The following KLF7 variants were observed in gnomAD, a reference collection of about 807,000 sequenced individuals.
KLF7 encodes the protein Krueppel-like factor 7.
Under a neutral mutation model 27.3 loss-of-function variants are expected in KLF7, and 2 were observed. The observed-to-expected ratio is 0.07, with a 90% CI of 0.03 to 0.23. The LOEUF (loss-of-function observed/expected upper bound fraction) is 0.23, where lower values mean the gene tolerates loss of function less well. Among genes scored for constraint, KLF7 ranks in the 10% least tolerant of loss-of-function variants. The pLI is 1.00. For synonymous variants in KLF7, 165 were observed against 162.4 expected (o/e 1.02, Z -0.12); for missense variants, 221 against 394.1 (o/e 0.56, Z 3.72).
chr2:207,143,389 T>C (rs1188832064), intron 1 of KLF7, among the ~76,000 whole-genome samples: 1 of 113,824 alleles, frequency 8.8e-6, no homozygotes, highest in African/African-American at 3.6e-5. Context: ...ACAAAAGAAA[T>C]GACATGAAAA....
intron 1 of KLF7, among the ~76,000 whole-genome samples, chr2:207,137,390 C>T (rs2077818277): frequency 6.6e-6 from 1 of 152,220 alleles, no homozygotes; most frequent in African/African-American, 2.4e-5. Flanking sequence ...AGGTGAGGTC[C>T]TTTAAAATTC....
chr2:207,134,752 A>C (rs1035775216), intron 1 of KLF7, among the ~76,000 whole-genome samples: 9 of 152,296 alleles, frequency 5.9e-5, no homozygotes, highest in African/African-American at 2.2e-4. Context: ...CTGGAGCCAG[A>C]CTGCCTGGGT....
upstream of KLF7, among the ~76,000 whole-genome samples, chr2:207,168,988 T>TA (rs1465418636): frequency 6.6e-6 from 1 of 152,162 alleles, no homozygotes; most frequent in Non-Finnish European, 1.5e-5. Context: ...ATTTTACACA[T>TA]ACCTCTGATC....
At chr2:207,133,502 G>A (rs140701018) in intron 1 of KLF7, among the ~76,000 whole-genome samples, 1 of 152,340 alleles carries the variant, frequency 6.6e-6, no homozygotes, top group African/African-American at 2.4e-5. Context: ...AAGGACGTGG[G>A]AGGAGGCCTC....
At chr2:207,138,497 A>G (rs1005951879) in intron 1 of KLF7, among the ~76,000 whole-genome samples, 1 of 152,202 alleles carries the variant, frequency 6.6e-6, no homozygotes, top group African/African-American at 2.4e-5. Context: ...TAAGAACAGC[A>G]TATATTCATT....
At chr2:207,114,326 T>C (rs2244399) in intron 2 of KLF7, among the ~76,000 whole-genome samples, 27,721 of 152,214 alleles carry the variant, frequency 0.18, 2,743 homozygotes, top group East Asian at 0.33. Flanking sequence ...CATTATTTCC[T>C]TTCTGCAACA....
upstream of KLF7, among the ~76,000 whole-genome samples, chr2:207,167,670 C>G (rs1251202178): frequency 3.3e-5 from 5 of 152,196 alleles, no homozygotes; most frequent in Admixed American, 3.3e-4. Context: ...AACATTTACT[C>G]TAATGTAGAT....
intron 1 of KLF7, among the ~76,000 whole-genome samples, chr2:207,135,444 G>T (rs536374772): frequency 6.6e-6 from 1 of 151,856 alleles, no homozygotes; most frequent in East Asian, 1.9e-4. Flanking sequence ...TGCTATGAAG[G>T]TTTAATTTCC....
chr2:207,128,176 A>C (rs924833591), intron 1 of KLF7, among the ~76,000 whole-genome samples: 2 of 152,214 alleles, frequency 1.3e-5, no homozygotes, highest in Non-Finnish European at 2.9e-5. Flanking sequence ...CCAAAAGATA[A>C]GGAAGTGCTC....
chr2:207,118,546 AG>A (rs1477372160), intron 2 of KLF7, among the ~76,000 whole-genome samples: 1 of 152,204 alleles, frequency 6.6e-6, no homozygotes, highest in Non-Finnish European at 1.5e-5. Flanking sequence ...TTTATTAGTA[AG>A]CTTGGAAGTT....
chr2:207,143,491 G>T (rs945350938), intron 1 of KLF7, among the ~76,000 whole-genome samples: 9 of 151,916 alleles, frequency 5.9e-5, no homozygotes, highest in African/African-American at 1.7e-4. Context: ...GGAACTGAAG[G>T]TTCGGAGTCT....
intron 2 of KLF7, among the ~76,000 whole-genome samples, chr2:207,097,509 T>TAGAGA (rs1185089506): frequency 6.6e-6 from 1 of 152,218 alleles, no homozygotes; most frequent in African/African-American, 2.4e-5. Context: ...AGGGCTTCTC[T>TAGAGA]ATAAGACTCA....
chr2:207,167,985 A>C (rs2078755144), upstream of KLF7, among the ~76,000 whole-genome samples: 1 of 152,202 alleles, frequency 6.6e-6, no homozygotes, highest in African/African-American at 2.4e-5. Context: ...GAAAGGTAGA[A>C]ACCCCTTGCT....
chr2:207,120,861 A>G (rs1390604654), intron 2 of KLF7: 1 of 152,190 alleles, frequency 6.6e-6, no homozygotes, highest in African/African-American at 2.4e-5. Flanking sequence ...GTTCATCTAC[A>G]CCACATAAAT....
At position 207,081,126 on chromosome 2, in the gene KLF7, G is replaced by T; in HGVS notation, c.*87C>A. On this transcript the variant is annotated 3_prime_UTR_variant, in exon 4 of 4. Transcript: ENST00000309446. Reference sequence around the variant, plus strand: ...GAGAACTTTCTTCTGCGAGGCAATGGGTCCCCGCCTGAAGTCCAGCCCCCT... The same window carrying T: ...GAGAACTTTCTTCTGCGAGGCAATGTGTCCCCGCCTGAAGTCCAGCCCCCT... 3.5e-6 allele frequency: 4 copies of T among 1,132,770 alleles called. No homozygotes were observed. Among genetic ancestry groups the T allele is most frequent in the Non-Finnish European group, 5.4e-6 (4 of 744,144 alleles). The allele number at this position is 1,132,770 out of a possible 1,614,324, so 70.2% of individuals were successfully genotyped here.
At chr2:207,155,281 A>G (rs549385967) in intron 1 of KLF7, among the ~76,000 whole-genome samples, 1 of 152,228 alleles carries the variant, frequency 6.6e-6, no homozygotes, top group South Asian at 2.1e-4. Context: ...CAGTACTATG[A>G]TGGTTATTTT....
chr2:207,094,931 C>T (rs181590397), intron 2 of KLF7, among the ~76,000 whole-genome samples: 73 of 152,078 alleles, frequency 4.8e-4, no homozygotes, highest in South Asian at 8.3e-4. Flanking sequence ...TTTCATTCAT[C>T]CATTACTTGC....
chr2:207,105,863 T>C (rs2076872127), intron 2 of KLF7, among the ~76,000 whole-genome samples: 1 of 152,194 alleles, frequency 6.6e-6, no homozygotes, highest in African/African-American at 2.4e-5. Context: ...AGGTGGCTAC[T>C]GAGTACCCAA....
upstream of KLF7, among the ~76,000 whole-genome samples, chr2:207,168,949 A>C (rs1559179631): frequency 6.6e-6 from 1 of 152,208 alleles, no homozygotes; most frequent in Non-Finnish European, 1.5e-5. Context: ...ACTACCACTT[A>C]CTGGTTGATT....
Sources: allele counts gnomAD v4.1 joint callset (sites outside exome capture counted in the v4.1 genomes callset), GRCh38; gene constraint gnomAD v4.1.1; transcripts MANE v1.5; gene names NCBI Gene and HGNC (gene_info 2026-07-23, HGNC 2026-07-21).